Variants in ARHGEF7 observed in about 807,000 individuals in gnomAD.
ARHGEF7 encodes PAK-interacting exchange factor beta.
Under a neutral mutation model 109.8 loss-of-function variants are expected in ARHGEF7, and 33 were observed. That is an observed-to-expected ratio of 0.30 (90% confidence interval 0.23 to 0.40). The LOEUF (loss-of-function observed/expected upper bound fraction) is 0.40. ARHGEF7 is among the 10% of genes least tolerant of loss of function. ARHGEF7 has a pLI of 1.00. For synonymous variants in ARHGEF7, 458 were observed against 424.6 expected, an observed-to-expected ratio of 1.08 and a Z score of -0.97; for missense variants, 938 against 1,098.5, an observed-to-expected ratio of 0.85 and a Z score of 2.07.
At chr13:111,261,882 A>G (rs946887744) in intron 8 of ARHGEF7, among the ~76,000 whole-genome samples, 1 of 152,218 alleles carries the variant, frequency 6.6e-6, no homozygotes, top group South Asian at 2.1e-4. Flanking sequence ...GGGTCAATGA[A>G]GAAATTAAGA....
At chr13:111,253,137 C>T (rs2153562067) in intron 8 of ARHGEF7, among the ~76,000 whole-genome samples, 1 of 152,350 alleles carries the variant, frequency 6.6e-6, no homozygotes, top group South Asian at 2.1e-4. Context: ...CTCAGGATAG[C>T]ATTTGAAATG....
chr13:111,287,744 G>A (rs1384192962), intron 17 of ARHGEF7, among the ~76,000 whole-genome samples: 1 of 152,210 alleles, frequency 6.6e-6, no homozygotes, highest in South Asian at 2.1e-4. Context: ...GGGACAGTGC[G>A]CTGTGTGGGC....
intron 2 of ARHGEF7, among the ~76,000 whole-genome samples, chr13:111,169,203 T>C (rs1362413655): frequency 2.0e-5 from 3 of 152,160 alleles, no homozygotes; most frequent in Non-Finnish European, 4.4e-5. Context: ...AGTCGTGTGT[T>C]AGGAGAGAAT....
intron 19 of ARHGEF7, among the ~76,000 whole-genome samples, chr13:111,297,672 T>A (rs1176427862): frequency 6.6e-6 from 1 of 152,218 alleles, no homozygotes; most frequent in Non-Finnish European, 1.5e-5. Flanking sequence ...CTGAAAAGAC[T>A]CACCACGAGG....
rs149463872 is a variant in ARHGEF7, at chr13:111,198,457, G to A, written c.253-6832G>A. Among the ~76,000 whole-genome samples, 709 of 152,220 alleles carry A rather than the reference G, an allele frequency of 4.7e-3. 8 individuals carry two copies. The highest frequency in any genetic ancestry group is 0.017 in the African/African-American group (688 of 41,530). Reference sequence around the variant, plus strand: ...GTGTCCGGAGTTTGTTCCTTCAGATGTGTCCATTCCTTCAGATGTGTCCAG... The same window carrying A: ...GTGTCCGGAGTTTGTTCCTTCAGATATGTCCATTCCTTCAGATGTGTCCAG... On this transcript the variant is annotated intron_variant, in intron 2 of 21. Coordinates refer to ENST00000646102, the MANE Select transcript of ARHGEF7 (RefSeq NM_001354046.2).
At chr13:111,224,578 G>T (rs754535236) in intron 5 of ARHGEF7, among the ~76,000 whole-genome samples, 6 of 152,222 alleles carry the variant, frequency 3.9e-5, no homozygotes, top group Non-Finnish European at 7.3e-5. Flanking sequence ...TCTGTGTTTG[G>T]CAGTGATGTG....
intron 5 of ARHGEF7, among the ~76,000 whole-genome samples, chr13:111,220,070 T>C (rs2083632237): frequency 6.6e-6 from 1 of 152,206 alleles, no homozygotes; most frequent in Non-Finnish European, 1.5e-5. Context: ...CCTGGAGACC[T>C]AGGGCTAGGG....
intron 2 of ARHGEF7, among the ~76,000 whole-genome samples, chr13:111,193,989 TC>T (rs772307634): frequency 6.6e-5 from 10 of 152,136 alleles, no homozygotes; most frequent in Non-Finnish European, 1.3e-4. Context: ...GCCATAAACT[TC>T]CTTTGGCACC....
intron 8 of ARHGEF7, among the ~76,000 whole-genome samples, chr13:111,259,313 G>A (rs890922961): frequency 4.6e-5 from 7 of 152,202 alleles, no homozygotes; most frequent in African/African-American, 1.7e-4. Flanking sequence ...GTGTGAACCA[G>A]TGCAGTCCCA....
Position 111,275,537 on chromosome 13 carries a change from A to G in ARHGEF7, c.1278A>G (p.Gln426=), listed in dbSNP as rs760505151. ...SMAAFKNLSA[Q]CQEVRKRKEL... is the part of the protein sequence containing the mutation. ...TGTTGTTCTGTGTCTGTCAGGCCCA[A>G]TGTCAAGAAGTCCGGAAGAGGAAAG... Residue 426 remains glutamine, a synonymous_variant, in exon 12 of 22, where the codon CAA becomes CAG. Coordinates refer to ENST00000646102, the MANE Select transcript of ARHGEF7 (RefSeq NM_001354046.2). 8.7e-6 allele frequency: 14 copies of G among 1,613,856 alleles called. No homozygotes were observed. The highest frequency in any genetic ancestry group is 2.2e-5 in the East Asian group (1 of 44,882).
intron 2 of ARHGEF7, among the ~76,000 whole-genome samples, chr13:111,162,189 T>C (rs1301954280): frequency 6.6e-6 from 1 of 152,248 alleles, no homozygotes; most frequent in East Asian, 1.9e-4. Context: ...TTGAATCTTT[T>C]ATATATTTTC....
At chr13:111,289,886 G>T (rs1477811142) in intron 18 of ARHGEF7, among the ~76,000 whole-genome samples, 1 of 152,034 alleles carries the variant, frequency 6.6e-6, no homozygotes, top group Non-Finnish European at 1.5e-5. Context: ...AACACTGTTG[G>T]TTTTTTTGTC....
chr13:111,281,504 T>G (rs2092778992), intron 15 of ARHGEF7, among the ~76,000 whole-genome samples: 1 of 152,210 alleles, frequency 6.6e-6, no homozygotes, highest in South Asian at 2.1e-4. Flanking sequence ...TACTCTGATA[T>G]TCTCATCAGA....
At chr13:111,177,365 C>T (rs552148850) in intron 2 of ARHGEF7, among the ~76,000 whole-genome samples, 2 of 152,248 alleles carry the variant, frequency 1.3e-5, no homozygotes, top group South Asian at 4.1e-4. Flanking sequence ...AGTCCACATT[C>T]TTCCTGTTGC....
chr13:111,221,520 T>TAGAC (rs1212788981), intron 5 of ARHGEF7, among the ~76,000 whole-genome samples: 23 of 37,898 alleles, frequency 6.1e-4, no homozygotes, highest in Non-Finnish European at 8.3e-4. Flanking sequence ...TATAGATATA[T>TAGAC]ATCTATATAT....
intron 1 of ARHGEF7, chr13:111,153,691 G>A (rs1448550074): frequency 7.8e-7 from 1 of 1,286,688 alleles, no homozygotes; most frequent in Non-Finnish European, 9.8e-7. Flanking sequence ...AAGGGGCAGA[G>A]ATTGGTGCAG....
chr13:111,292,492 T>TCG, intron 19 of ARHGEF7, 198 bp downstream of exon 19: 1 of 1,434,060 alleles, frequency 7.0e-7, no homozygotes. Context: ...TAACTGCCGA[T>TCG]GCGAGTATAC....
intron 2 of ARHGEF7, among the ~76,000 whole-genome samples, chr13:111,173,641 A>C (rs533974767): frequency 6.6e-6 from 1 of 152,296 alleles, no homozygotes; most frequent in East Asian, 1.9e-4. Flanking sequence ...TGGAAAGCAC[A>C]TTTTGGATGT....
In ARHGEF7 at chr13:111,280,428, C is replaced by T. The variant is rs560209834; in HGVS notation, c.1585+78C>T. The T allele has an allele frequency of 9.4e-5, 148 of 1,581,506 alleles. No homozygotes were observed. The Admixed American group carries it at 1.7e-3, about 18-fold the overall frequency. Reference sequence around the variant, plus strand: ...GTCCCCGCGTGCAGATTCTTGCTTGCGTATTTCAGAAGGTGGTGTTTAAGC... The same window carrying T: ...GTCCCCGCGTGCAGATTCTTGCTTGTGTATTTCAGAAGGTGGTGTTTAAGC... On this transcript the variant is annotated intron_variant, in intron 14 of 21. Transcript: ENST00000646102.
Sources: allele counts gnomAD v4.1 joint callset (sites outside exome capture counted in the v4.1 genomes callset), GRCh38; gene constraint gnomAD v4.1.1; transcripts MANE v1.5; gene names NCBI Gene and HGNC (gene_info 2026-07-23, HGNC 2026-07-21).